The following SGMS2 variants were observed in gnomAD, a reference collection of about 807,000 sequenced individuals.
SGMS2 encodes the protein sphingomyelin synthase 2, also known as phosphatidylcholine:ceramide cholinephosphotransferase 2.
Under a neutral mutation model 43.8 loss-of-function variants are expected in SGMS2, and 21 were observed. The observed-to-expected ratio is 0.48, with a 90% CI of 0.34 to 0.69. The LOEUF is 0.69. SGMS2 is among the 30% of genes least tolerant of loss of function. The probability of loss-of-function intolerance (pLI) is 0.01; values close to 1 mark genes in which losing one functional copy is unlikely to be tolerated. For synonymous variants in SGMS2, 167 were observed against 160.6 expected (o/e 1.04, Z -0.30); for missense variants, 384 against 443.2 (o/e 0.87, Z 1.20).
At chr4:107,846,444 A>T (rs1353455214) in intron 1 of SGMS2, among the ~76,000 whole-genome samples, 1 of 150,868 alleles carries the variant, frequency 6.6e-6, no homozygotes, top group East Asian at 2.0e-4. Flanking sequence ...ACATGAACTC[A>T]TCATTTTTTA....
At chr4:107,842,440 T>C (rs140492414) in intron 1 of SGMS2, among the ~76,000 whole-genome samples, 4 of 152,286 alleles carry the variant, frequency 2.6e-5, no homozygotes, top group African/African-American at 4.8e-5. Flanking sequence ...TGAGAACTTA[T>C]CACCAAGGGG....
At chr4:107,856,680 G>C (rs1224404092) in intron 1 of SGMS2, among the ~76,000 whole-genome samples, 1 of 152,156 alleles carries the variant, frequency 6.6e-6, no homozygotes, top group Non-Finnish European at 1.5e-5. Flanking sequence ...TTCCAGAGGG[G>C]TAAACATGTA....
At chr4:107,901,884 C>G (rs941656784) in intron 4 of SGMS2, among the ~76,000 whole-genome samples, 2 of 151,886 alleles carry the variant, frequency 1.3e-5, no homozygotes, top group Middle Eastern at 3.2e-3. Context: ...CCATAGGTGG[C>G]CAAACACTTA....
chr4:107,844,479 A>G (rs1255521487), intron 1 of SGMS2, among the ~76,000 whole-genome samples: 1 of 152,140 alleles, frequency 6.6e-6, no homozygotes, highest in Non-Finnish European at 1.5e-5. Context: ...AGGCTGAAAG[A>G]TCACATGAGC....
intron 2 of SGMS2, among the ~76,000 whole-genome samples, chr4:107,866,170 A>G (rs561772652): frequency 6.4e-4 from 98 of 152,328 alleles, no homozygotes; most frequent in African/African-American, 2.3e-3. Flanking sequence ...TGTAGGGGCC[A>G]TGGTTATTGA....
intron 1 of SGMS2, among the ~76,000 whole-genome samples, chr4:107,839,971 C>T (rs1349231610): frequency 4.6e-5 from 7 of 152,058 alleles, no homozygotes; most frequent in Non-Finnish European, 1.0e-4. Context: ...TCCTAGTGTA[C>T]TTATTCATTA....
chr4:107,828,086 T>C (rs1725696346), intron 1 of SGMS2, among the ~76,000 whole-genome samples: 1 of 152,234 alleles, frequency 6.6e-6, no homozygotes, highest in South Asian at 2.1e-4. Context: ...TTCCAACTTA[T>C]TAGTTTTCCC....
intron 2 of SGMS2, among the ~76,000 whole-genome samples, chr4:107,877,304 G>A (rs1484564993): frequency 6.6e-6 from 1 of 152,098 alleles, no homozygotes; most frequent in African/African-American, 2.4e-5. Flanking sequence ...TGACTAAATG[G>A]GATGTTTTTT....
At chr4:107,864,245 A>G (rs1727953980) in intron 2 of SGMS2, 1 of 152,260 alleles carries the variant, frequency 6.6e-6, no homozygotes, top group African/African-American at 2.4e-5. Context: ...GTGTCACCAC[A>G]TGCCAGGCTA....
intron 2 of SGMS2, among the ~76,000 whole-genome samples, chr4:107,866,071 G>C (rs995541168): frequency 1.3e-5 from 2 of 152,174 alleles, no homozygotes; most frequent in African/African-American, 4.8e-5. Flanking sequence ...GGCAGAGTCA[G>C]GGTTAGAACC....
chr4:107,826,971 T>C lies in SGMS2; in HGVS notation c.-327+1718T>C, dbSNP rs909509621. 2.0e-5 allele frequency among the ~76,000 whole-genome samples: 3 copies of C among 152,240 alleles called. No individual in the cohort carries two copies. The South Asian group carries it at 6.2e-4, about 32-fold the overall frequency. ...CATGGGAATCCAGGAGACCTGAGGC[T>C]CTCTGAGCTGTGTTCCTTTGAGCAA... On this transcript the variant is annotated intron_variant, in intron 1 of 6. Transcript: ENST00000690982.
chr4:107,867,439 GTTC>G lies in SGMS2; in HGVS notation c.-245+8891_-245+8893del, dbSNP rs148382458. 3 of 152,348 alleles carry G rather than the reference GTTC, an allele frequency of 2.0e-5. No homozygotes were observed. The East Asian group carries it at 5.8e-4, about 29-fold the overall frequency. 9.4% of individuals were successfully genotyped at this position (152,348 alleles called of 1,614,324 possible). A position where few individuals can be genotyped will look rare whatever the true frequency, so the allele number is the denominator to read the frequency against. ...GAGAATCCACTGATGTCTGATGTTG[GTTC>G]TTCTGACATAGCAGGGCTGTGCTAT... On this transcript the variant is annotated intron_variant, in intron 2 of 6. Coordinates refer to ENST00000690982, the MANE Select transcript of SGMS2 (RefSeq NM_001375905.1).
intron 4 of SGMS2, among the ~76,000 whole-genome samples, chr4:107,900,849 C>T (rs146794695): frequency 6.6e-6 from 1 of 152,248 alleles, no homozygotes; most frequent in Non-Finnish European, 1.5e-5. Flanking sequence ...TTTTCCAAAG[C>T]CATCAAAGCA....
rs1257707215 is a variant in SGMS2, at chr4:107,911,865, T to G, written c.*1312T>G. On this transcript the variant is annotated 3_prime_UTR_variant, in exon 7 of 7. Coordinates refer to ENST00000690982, the MANE Select transcript of SGMS2 (RefSeq NM_001375905.1). ...AGATTTAGTGCATTATTTAATGCTA[T>G]TGGATCTTTTGGATAATTCTTGGCT... The G allele has an allele frequency of 6.6e-6, 1 of 152,238 alleles. No homozygotes were observed. Among genetic ancestry groups the G allele is most frequent in the Admixed American group, 6.5e-5 (1 of 15,286 alleles). The allele number at this position is 152,238 out of a possible 1,614,324, so 9.4% of individuals were successfully genotyped here. A position where few individuals can be genotyped will look rare whatever the true frequency, so the allele number is the denominator to read the frequency against.
intron 5 of SGMS2, among the ~76,000 whole-genome samples, chr4:107,907,668 A>G (rs1731699429): frequency 6.6e-6 from 1 of 152,212 alleles, no homozygotes; most frequent in Non-Finnish European, 1.5e-5. Flanking sequence ...CTATTCAATC[A>G]TCTTTCTACA....
chr4:107,892,388 C>A (rs2126113902), intron 2 of SGMS2, among the ~76,000 whole-genome samples: 1 of 152,136 alleles, frequency 6.6e-6, no homozygotes, highest in Admixed American at 6.6e-5. Flanking sequence ...CAAGGTTGAA[C>A]CAAGCACTGA....
intron 2 of SGMS2, chr4:107,893,098 C>T (rs1457025840): frequency 6.6e-6 from 1 of 152,062 alleles, no homozygotes; most frequent in Non-Finnish European, 1.5e-5. Flanking sequence ...GCACAAAGCT[C>T]TTCACAATTA....
intron 2 of SGMS2, among the ~76,000 whole-genome samples, chr4:107,870,281 A>G (rs1728469081): frequency 6.6e-6 from 1 of 152,194 alleles, no homozygotes; most frequent in African/African-American, 2.4e-5. Flanking sequence ...AAGAAAGCAG[A>G]GGTAAATAGA....
intron 2 of SGMS2, among the ~76,000 whole-genome samples, chr4:107,891,173 G>A (rs898185657): frequency 6.8e-6 from 1 of 147,732 alleles, no homozygotes; most frequent in African/African-American, 2.5e-5. Flanking sequence ...TTTTGTGTGT[G>A]TCTATGAGAA....
Sources: allele counts gnomAD v4.1 joint callset (sites outside exome capture counted in the v4.1 genomes callset), GRCh38; gene constraint gnomAD v4.1.1; transcripts MANE v1.5; gene names NCBI Gene and HGNC (gene_info 2026-07-23, HGNC 2026-07-21).